Variants in TMIE observed in about 807,000 individuals in gnomAD.
TMIE encodes transmembrane inner ear.
TMIE carries 14 observed loss-of-function variants against 16.8 expected under a neutral mutation model. The observed-to-expected ratio is 0.83, with a 90% CI of 0.55 to 1.30. The LOEUF (loss-of-function observed/expected upper bound fraction) is 1.30, where lower values mean the gene tolerates loss of function less well. Among genes scored for constraint, TMIE ranks in the 50% most tolerant of loss-of-function variants. The pLI is 0.00. For synonymous variants in TMIE, 75 were observed against 87.2 expected (o/e 0.86, Z 0.78); for missense variants, 204 against 205.9 (o/e 0.99, Z 0.06).
chr3:46,699,931 T>C (rs920483440), upstream of TMIE, among the ~76,000 whole-genome samples: 5 of 152,176 alleles, frequency 3.3e-5, no homozygotes, highest in African/African-American at 4.8e-5. Context: ...AGAGGAGTAA[T>C]GCTTTGCTCA....
upstream of TMIE, among the ~76,000 whole-genome samples, chr3:46,697,392 C>T (rs528440403): frequency 6.6e-5 from 10 of 152,308 alleles, no homozygotes; most frequent in Non-Finnish European, 1.2e-4. Flanking sequence ...ATGCAGATGT[C>T]GTGAAGCCTC....
upstream of TMIE, among the ~76,000 whole-genome samples, chr3:46,700,140 G>T (rs916453227): frequency 6.6e-6 from 1 of 152,236 alleles, no homozygotes; most frequent in African/African-American, 2.4e-5. Context: ...GCCAGGGCAT[G>T]CCTGGGGAGG....
At position 46,705,802 on chromosome 3, in the gene TMIE, C is replaced by T; in HGVS notation, c.106C>T (p.Pro36Ser). The stretch of plus-strand genomic sequence containing the variant: ...TCCTGACCCACAGCCCAGCACGGCC[C>T]CACCCAAGCCCAAGCCGCCTCCGCT... ...AGQLVEPSTA[P>S]PKPKPPPLTK... is the part of the protein sequence containing the mutation. Residue 36 changes from proline to serine, a missense_variant, in exon 2 of 4, where the codon CCA becomes TCA. Transcript: ENST00000643606. 6.2e-7 allele frequency: 1 copy of T among 1,613,976 alleles called. No homozygotes were observed.
At chr3:46,697,956 C>T (rs1700424889), upstream of TMIE, among the ~76,000 whole-genome samples, 2 of 152,084 alleles carry the variant, frequency 1.3e-5, no homozygotes, top group Admixed American at 6.5e-5. Context: ...AGGATGTTCG[C>T]CTTAACGTGG....
upstream of TMIE, among the ~76,000 whole-genome samples, chr3:46,699,060 A>T (rs7627362): frequency 0.1 from 8,784 of 83,954 alleles, 354 homozygotes; most frequent in South Asian, 0.19. Flanking sequence ...GGTGTTTCTT[A>T]TTTTTTTTTT....
intron 2 of TMIE, 30 bp downstream of exon 2, chr3:46,705,937 A>G: frequency 3.1e-6 from 5 of 1,596,882 alleles, no homozygotes; most frequent in Non-Finnish European, 4.3e-6. Flanking sequence ...CCTCTCCACC[A>G]CACTGCAGTG....
chr3:46,694,232 T>C (rs544662917), upstream of TMIE, among the ~76,000 whole-genome samples: 95 of 152,282 alleles, frequency 6.2e-4, no homozygotes, highest in Non-Finnish European at 9.4e-4. Context: ...TGTGCGACCT[T>C]GGGGAAGTCC....
At chr3:46,698,449 T>C (rs369960547), upstream of TMIE, among the ~76,000 whole-genome samples, 2 of 151,770 alleles carry the variant, frequency 1.3e-5, no homozygotes, top group East Asian at 1.9e-4. Context: ...TGGTGCATGA[T>C]ACTGAATTAA....
upstream of TMIE, among the ~76,000 whole-genome samples, chr3:46,697,550 A>G (rs1393214463): frequency 6.6e-6 from 1 of 152,062 alleles, no homozygotes; most frequent in Non-Finnish European, 1.5e-5. Flanking sequence ...CCTTCGTAAT[A>G]CCCTTTACAG....
chr3:46,694,254 C>G (rs146625757), upstream of TMIE, among the ~76,000 whole-genome samples: 2 of 152,350 alleles, frequency 1.3e-5, no homozygotes, highest in East Asian at 1.9e-4. Context: ...CTTTCCTCCC[C>G]ACTCCTGAGT....
intron 3 of TMIE, 51 bp from the exon 4 acceptor site, chr3:46,709,528 C>T: frequency 6.2e-7 from 1 of 1,613,842 alleles, no homozygotes; most frequent in Non-Finnish European, 8.5e-7. Flanking sequence ...CAGTCAGACC[C>T]CAGGACCTTG....
At chr3:46,696,018 C>G (rs1700409269) in intron 1 of TMIE, among the ~76,000 whole-genome samples, 1 of 152,182 alleles carries the variant, frequency 6.6e-6, no homozygotes, top group Non-Finnish European at 1.5e-5. Flanking sequence ...CACCTGCCTT[C>G]AGTCCCCTGC....
chr3:46,697,522 G>A (rs1700421707), upstream of TMIE, among the ~76,000 whole-genome samples: 2 of 152,232 alleles, frequency 1.3e-5, no homozygotes, highest in African/African-American at 2.4e-5. Flanking sequence ...CTCGCCCTAT[G>A]CATCTCTTCA....
At chr3:46,704,425 CG>C (rs1413143902) in intron 1 of TMIE, among the ~76,000 whole-genome samples, 23 of 139,322 alleles carry the variant, frequency 1.7e-4, no homozygotes, top group African/African-American at 4.6e-4. Flanking sequence ...TGGACCATGT[CG>C]CCTAGACACC....
At chr3:46,702,644 T>C (rs7431776) in intron 1 of TMIE, among the ~76,000 whole-genome samples, 112,424 of 151,542 alleles carry the variant, frequency 0.74, 41,740 homozygotes, top group African/African-American at 0.79. Context: ...TCCTGAGGGG[T>C]GGGGGCTTGG....
intron 2 of TMIE, among the ~76,000 whole-genome samples, chr3:46,706,587 G>A (rs990716346): frequency 1.3e-5 from 2 of 152,178 alleles, no homozygotes; most frequent in Admixed American, 6.5e-5. Flanking sequence ...AGGTTCCCAC[G>A]AGGCAAAAGC....
chr3:46,699,060 ATTTTTTTTT>A (rs397951323), upstream of TMIE, among the ~76,000 whole-genome samples: 10 of 84,874 alleles, frequency 1.2e-4, no homozygotes, highest in African/African-American at 3.5e-4. Flanking sequence ...GGTGTTTCTT[ATTTTTTTTT>A]TTTTTTTTTT....
chr3:46,697,051 G>T (rs73831193), upstream of TMIE, among the ~76,000 whole-genome samples: 1,381 of 152,232 alleles, frequency 9.1e-3, 13 homozygotes, highest in African/African-American at 0.031. Flanking sequence ...CTTAGGCAGG[G>T]CATAACCCCT....
At chr3:46,709,030 T>C in intron 2 of TMIE, 96 bp from the exon 3 acceptor site, 1 of 1,515,532 alleles carries the variant, frequency 6.6e-7, no homozygotes, top group Middle Eastern at 2.2e-4. Context: ...GTGAGACACA[T>C]GTGGGTGGAT....
Sources: gnomAD v4.1 joint callset for allele counts (sites outside exome capture counted in the v4.1 genomes callset) on GRCh38, gnomAD v4.1.1 for gene constraint, MANE v1.5 for transcripts, NCBI Gene and HGNC (gene_info 2026-07-23, HGNC 2026-07-21) for gene names.